PTCD3: variants seen among roughly 807,000 people sequenced by gnomAD.
PTCD3 encodes pentatricopeptide repeat domain 3.
A neutral mutation model predicts 101.9 loss-of-function variants in PTCD3; 89 were observed. That is an observed-to-expected ratio of 0.87 (90% CI 0.74 to 1.04). The LOEUF (loss-of-function observed/expected upper bound fraction) is 1.04, where lower values mean the gene tolerates loss of function less well. Among genes scored for constraint, PTCD3 ranks in the 50% least tolerant of loss-of-function variants. The pLI is 0.00. For synonymous variants in PTCD3, 296 were observed against 278.5 expected (o/e 1.06, Z -0.63); for missense variants, 870 against 828.2 (o/e 1.05, Z -0.62).
chr2:86,126,535 A>G (rs1352373401), intron 12 of PTCD3, among the ~76,000 whole-genome samples: 2 of 152,162 alleles, frequency 1.3e-5, no homozygotes, highest in Non-Finnish European at 2.9e-5. Context: ...ATTCTCGCCT[A>G]GTAACTTAAG....
chr2:86,117,049 A>T lies in PTCD3; in HGVS notation c.310-6A>T, dbSNP rs745410396. On this transcript the variant is annotated splice_region_variant and splice_polypyrimidine_tract_variant and intron_variant, in intron 5 of 23. Coordinates refer to ENST00000254630, the MANE Select transcript of PTCD3 (RefSeq NM_017952.6). ...TACATGTATTTAAATCTTTTTCTTT[A>T]TATAGCGTTCATTTTTACTGGCAAA... 9.2e-7 allele frequency: 1 copy of T among 1,081,292 alleles called. No individual in the cohort carries two copies. The highest frequency in any genetic ancestry group is 1.4e-6 in the Non-Finnish European group (1 of 694,800). The allele number at this position is 1,081,292 out of a possible 1,614,324, so 67.0% of individuals were successfully genotyped here. A position where few individuals can be genotyped will look rare whatever the true frequency, so the allele number is the denominator to read the frequency against.
chr2:86,137,171 A>C (rs759206820), intron 23 of PTCD3, 31 bp downstream of exon 23: 21 of 1,538,028 alleles, frequency 1.4e-5, no homozygotes, highest in Non-Finnish European at 1.8e-5. Flanking sequence ...ATAGTTTGTA[A>C]AATGGAGACC....
intron 16 of PTCD3, among the ~76,000 whole-genome samples, chr2:86,131,914 G>A (rs984709405): frequency 1.3e-5 from 2 of 152,224 alleles, no homozygotes; most frequent in African/African-American, 2.4e-5. Context: ...GTACTCAAGC[G>A]TATGTATATC....
At chr2:86,113,861 G>A (rs1223533554) in intron 4 of PTCD3, among the ~76,000 whole-genome samples, 1 of 152,032 alleles carries the variant, frequency 6.6e-6, no homozygotes, top group Non-Finnish European at 1.5e-5. Context: ...AGATAGTGTT[G>A]GGTCTAATGT....
chr2:86,114,897 A>G (rs530815459), intron 4 of PTCD3, among the ~76,000 whole-genome samples: 1 of 152,368 alleles, frequency 6.6e-6, no homozygotes, highest in Non-Finnish European at 1.5e-5. Context: ...GATTCAACAC[A>G]GGACATGCTT....
chr2:86,134,795 C>T (rs766273681), intron 20 of PTCD3, 44 bp from the exon 21 acceptor site: 4 of 1,605,950 alleles, frequency 2.5e-6, no homozygotes, highest in South Asian at 2.2e-5. Context: ...CTGAAATTCT[C>T]ATAAAATCAG....
In PTCD3 at chr2:86,106,331, T is replaced by C. The variant is rs1673944788; in HGVS notation, c.84T>C (p.Cys28=). Residue 28 remains cysteine, a synonymous_variant, in exon 1 of 24, where the codon TGT becomes TGC. Coordinates refer to ENST00000254630, the MANE Select transcript of PTCD3 (RefSeq NM_017952.6). ...TGACGGGTCGGCGGGCGGGTTTGTG[T>C]GAACAGGCACGCAGCTGCAGGTAAG... The part of the protein sequence containing the change: ...QPLTGRRAGL[C]EQARSCRFYS... 6.2e-7 allele frequency: 1 copy of C among 1,613,872 alleles called. No individual in the cohort carries two copies. The highest frequency in any genetic ancestry group is 1.3e-5 in the African/African-American group (1 of 74,904).
At chr2:86,112,366 T>G (rs1023275869) in intron 4 of PTCD3, among the ~76,000 whole-genome samples, 4 of 151,480 alleles carry the variant, frequency 2.6e-5, no homozygotes, top group African/African-American at 9.7e-5. Context: ...TTTTTTTTTT[T>G]TTTTTAAGAA....
chr2:86,114,769 T>G (rs952762092), intron 4 of PTCD3, among the ~76,000 whole-genome samples: 1 of 152,112 alleles, frequency 6.6e-6, no homozygotes, highest in African/African-American at 2.4e-5. Flanking sequence ...CCGTGACCAC[T>G]CCCAGGCTAA....
intron 3 of PTCD3, among the ~76,000 whole-genome samples, chr2:86,109,659 T>TG (rs1461816535): frequency 1.3e-5 from 2 of 152,226 alleles, no homozygotes; most frequent in Non-Finnish European, 2.9e-5. Context: ...GAATTGGAAA[T>TG]GTGCGTACCT....
chr2:86,127,185 C>T lies in PTCD3; in HGVS notation c.976C>T (p.Gln326Ter), dbSNP rs777727367. 6.2e-7 allele frequency: 1 copy of T among 1,613,430 alleles called. No individual in the cohort carries two copies. Among genetic ancestry groups the T allele is most frequent in the Non-Finnish European group, 8.5e-7 (1 of 1,179,774 alleles). The change falls in exon 13 of 24, where the codon CAG becomes TAG. Residue 326 changes from glutamine (Q) to a stop codon, truncating the protein, a stop_gained. Transcript: ENST00000254630. LOFTEE classifies it high-confidence loss of function. ...ILELLRHMVA[Q>*]KVKPNLQTFN... is the part of the protein sequence containing the mutation. ...GGAGCTGCTAAGACACATGGTTGCACAGAAGGTGAAACCAAATCTTCAGAC... is the reference window on the plus strand; with the variant it reads ...GGAGCTGCTAAGACACATGGTTGCATAGAAGGTGAAACCAAATCTTCAGAC...
In PTCD3 at chr2:86,139,112, C is replaced by T. The variant is rs1401314750; in HGVS notation, c.*1553C>T. ...ACCCATACTCTGAGCAATTAACTGC[C>T]TTGAACATAGAGAAAAATTAAGGCC... On this transcript the variant is annotated 3_prime_UTR_variant, in exon 24 of 24. Transcript: ENST00000254630. 1.3e-5 allele frequency: 2 copies of T among 152,198 alleles called. No individual in the cohort carries two copies. The highest frequency in any genetic ancestry group is 4.8e-5 in the African/African-American group (2 of 41,438). The allele number at this position is 152,198 out of a possible 1,614,324, so 9.4% of individuals were successfully genotyped here. A position where few individuals can be genotyped will look rare whatever the true frequency, so the allele number is the denominator to read the frequency against.
chr2:86,126,554 C>T (rs776071377), intron 12 of PTCD3, among the ~76,000 whole-genome samples: 29 of 151,996 alleles, frequency 1.9e-4, no homozygotes, highest in Admixed American at 8.5e-4. Flanking sequence ...AGAATAGAAA[C>T]GGCTGGGCAC....
At chr2:86,132,241 C>T (rs1184768995) in intron 16 of PTCD3, 77 bp from the exon 17 acceptor site, 13 of 817,732 alleles carry the variant, frequency 1.6e-5, no homozygotes, top group South Asian at 5.5e-5. Context: ...TCACAAGACA[C>T]TCTACTGTTG....
At chr2:86,125,654 G>C (rs1243833830) in intron 11 of PTCD3, 139 bp downstream of exon 11, 1 of 1,101,130 alleles carries the variant, frequency 9.1e-7, no homozygotes, top group Non-Finnish European at 1.3e-6. Flanking sequence ...CAAGAGTAGA[G>C]ATCCAGAGAG....
At chr2:86,130,868 C>T in intron 15 of PTCD3, 131 bp downstream of exon 15, 2 of 1,438,214 alleles carry the variant, frequency 1.4e-6, no homozygotes, top group Non-Finnish European at 1.8e-6. Flanking sequence ...AATTTGAGTA[C>T]ATAGTAGGTG....
chr2:86,130,934 C>A, intron 15 of PTCD3, 144 bp from the exon 16 acceptor site: 1 of 1,395,104 alleles, frequency 7.2e-7, no homozygotes, highest in Non-Finnish European at 9.6e-7. Context: ...AATTGTGGTA[C>A]ATTCCTGCCT....
chr2:86,108,316 G>T, intron 1 of PTCD3, 34 bp from the exon 2 acceptor site: 1 of 1,592,350 alleles, frequency 6.3e-7, no homozygotes, highest in South Asian at 1.2e-5. Flanking sequence ...CTTCATTAAT[G>T]ACTATTAGAT....
Position 86,136,968 on chromosome 2 carries a change from CCTTT to C in PTCD3, c.1821-9_1821-6del. The C allele has an allele frequency of 4.3e-6, 7 of 1,612,598 alleles. No homozygotes were observed. The highest frequency in any genetic ancestry group is 5.9e-6 in the Non-Finnish European group (7 of 1,179,838). ...GGGGCTGGAGAAAGTTCACACTTTG[CCTTT>C]CTTTTACAGAAGTGAGTTGCTGAAT... On this transcript the variant is annotated splice_polypyrimidine_tract_variant and intron_variant, in intron 22 of 23. Transcript: ENST00000254630.
Sources: allele counts gnomAD v4.1 joint callset (sites outside exome capture counted in the v4.1 genomes callset), GRCh38; gene constraint gnomAD v4.1.1; transcripts MANE v1.5; gene names NCBI Gene and HGNC (gene_info 2026-07-23, HGNC 2026-07-21).